Variants in SUMF1 observed in about 807,000 individuals in gnomAD.
SUMF1 encodes formylglycine-generating enzyme.
SUMF1 carries 48 observed loss-of-function variants against 47.6 expected under a neutral mutation model. That is an observed-to-expected ratio of 1.01 (90% CI 0.80 to 1.28). The LOEUF is 1.28. SUMF1 is among the 50% of genes most tolerant of loss of function. The pLI, the probability that SUMF1 is intolerant of heterozygous loss-of-function variation, is 0.00. For synonymous variants in SUMF1, 230 were observed against 192.1 expected (o/e 1.20, Z -1.63); for missense variants, 571 against 485.4 (o/e 1.18, Z -1.66).
intron 7 of SUMF1, among the ~76,000 whole-genome samples, chr3:4,380,655 C>G (rs1700475297): frequency 6.6e-6 from 1 of 152,126 alleles, no homozygotes; most frequent in Non-Finnish European, 1.5e-5. Context: ...AGGCAGGAAC[C>G]ATCGTGAATC....
At chr3:4,299,230 TCTC>T (rs1697916077) in intron 8 of SUMF1, among the ~76,000 whole-genome samples, 1 of 152,202 alleles carries the variant, frequency 6.6e-6, no homozygotes, top group South Asian at 2.1e-4. Flanking sequence ...TGGGATATAT[TCTC>T]CTTGCATTTG....
intron 1 of SUMF1, among the ~76,000 whole-genome samples, chr3:4,466,089 G>A (rs2079937088): frequency 6.6e-6 from 1 of 152,154 alleles, no homozygotes; most frequent in East Asian, 1.9e-4. Flanking sequence ...CGGGCAGACA[G>A]ATTGAAGTAA....
Position 4,456,686 on chromosome 3 carries a change from A to ATG in SUMF1, c.271-3639_271-3638dup, listed in dbSNP as rs1553588951. Among the ~76,000 whole-genome samples the ATG allele has an allele frequency of 2.4e-4, 33 of 135,022 alleles. 1 individual carries two copies. The highest frequency in any genetic ancestry group is 6.4e-4 in the East Asian group (3 of 4,670). 88.6% of individuals were successfully genotyped at this position (135,022 alleles called of 152,430 possible). On this transcript the variant is annotated intron_variant, in intron 1 of 8. Coordinates refer to ENST00000272902, the MANE Select transcript of SUMF1 (RefSeq NM_182760.4). ...TATATATATATACGTGTATATATAT[A>ATG]TGTGTGTATATATATATACGTATAT...
At chr3:4,097,738 C>T (rs1263482932) in intron 8 of SUMF1, among the ~76,000 whole-genome samples, 1 of 152,096 alleles carries the variant, frequency 6.6e-6, no homozygotes, top group Admixed American at 6.6e-5. Context: ...GCTTTCAAAA[C>T]CTCTGCAAAC....
chr3:4,227,097 C>T (rs1696191000), intron 8 of SUMF1, among the ~76,000 whole-genome samples: 1 of 152,140 alleles, frequency 6.6e-6, no homozygotes, highest in African/African-American at 2.4e-5. Context: ...TAGCCCTCAA[C>T]TCATGATTCT....
At chr3:4,460,439 T>C (rs963809924) in intron 1 of SUMF1, among the ~76,000 whole-genome samples, 1 of 151,932 alleles carries the variant, frequency 6.6e-6, no homozygotes, top group Non-Finnish European at 1.5e-5. Flanking sequence ...TATATAAACA[T>C]CAGAGCTCAT....
At chr3:4,038,656 G>T (rs1694848669) in intron 9 of SUMF1, among the ~76,000 whole-genome samples, 1 of 152,116 alleles carries the variant, frequency 6.6e-6, no homozygotes, top group Admixed American at 6.5e-5. Context: ...TCTCCATATG[G>T]TGATAGTGGC....
intron 8 of SUMF1, among the ~76,000 whole-genome samples, chr3:4,194,831 G>A (rs776996578): frequency 2.6e-5 from 4 of 152,030 alleles, no homozygotes; most frequent in Non-Finnish European, 4.4e-5. Flanking sequence ...ACAGAATTTC[G>A]AACAATGTTA....
At chr3:4,046,320 T>C (rs1217899816) in intron 9 of SUMF1, among the ~76,000 whole-genome samples, 1 of 152,122 alleles carries the variant, frequency 6.6e-6, no homozygotes, top group Non-Finnish European at 1.5e-5. Context: ...ATGGGAGAGA[T>C]GATCACCAAA....
At chr3:4,161,362 C>T (rs1038714598) in intron 8 of SUMF1, among the ~76,000 whole-genome samples, 1 of 152,158 alleles carries the variant, frequency 6.6e-6, no homozygotes, top group Non-Finnish European at 1.5e-5. Context: ...GGAAAGCCAG[C>T]AAGGCTTGTG....
intron 8 of SUMF1, among the ~76,000 whole-genome samples, chr3:4,136,358 C>A (rs1375316826): frequency 6.6e-6 from 1 of 152,092 alleles, no homozygotes; most frequent in East Asian, 1.9e-4. Flanking sequence ...CTGAGAAAAA[C>A]AAGCAATGGG....
rs917228158 is a variant in SUMF1, at chr3:4,185,570, C to T, written c.1015-116825G>A. Among the ~76,000 whole-genome samples, 3 of 152,138 alleles carry T rather than the reference C, an allele frequency of 2.0e-5. No homozygotes were observed. The South Asian group carries it at 6.2e-4, about 31-fold the overall frequency. ...TTCCTTTCTCTAAACTGGGATAGCACACTTCCAAAGTTAATACTAATGCGA... is the reference window on the plus strand; with the variant it reads ...TTCCTTTCTCTAAACTGGGATAGCATACTTCCAAAGTTAATACTAATGCGA... On this transcript the variant is annotated intron_variant and NMD_transcript_variant, in intron 8 of 12. Coordinates refer to the SUMF1 transcript ENST00000448413.
At chr3:4,379,991 A>G (rs1162553595) in intron 7 of SUMF1, among the ~76,000 whole-genome samples, 2 of 152,198 alleles carry the variant, frequency 1.3e-5, no homozygotes, top group African/African-American at 4.8e-5. Context: ...AGTGTCTCTC[A>G]TGATCAAGTT....
At chr3:4,358,564 C>T (rs1442779951), downstream of SUMF1, among the ~76,000 whole-genome samples, 1 of 152,108 alleles carries the variant, frequency 6.6e-6, no homozygotes, top group Non-Finnish European at 1.5e-5. Flanking sequence ...AGGCACAAAC[C>T]TTCTCATAAT....
intron 8 of SUMF1, among the ~76,000 whole-genome samples, chr3:4,236,030 C>T (rs1042728869): frequency 6.6e-6 from 1 of 151,962 alleles, no homozygotes; most frequent in Admixed American, 6.6e-5. Context: ...ATAACCTCTA[C>T]CTACCTGTCT....
intron 9 of SUMF1, among the ~76,000 whole-genome samples, chr3:4,040,779 C>A (rs1328379136): frequency 6.6e-6 from 1 of 152,120 alleles, no homozygotes; most frequent in Non-Finnish European, 1.5e-5. Context: ...TTGTGTATTA[C>A]TAGATGCAGA....
At chr3:4,173,310 C>T (rs1694874989) in intron 8 of SUMF1, among the ~76,000 whole-genome samples, 1 of 152,072 alleles carries the variant, frequency 6.6e-6, no homozygotes, top group African/African-American at 2.4e-5. Context: ...TAGAGAAATG[C>T]AAATCAAAAC....
chr3:4,119,117 C>G (rs1359231608), intron 8 of SUMF1, among the ~76,000 whole-genome samples: 1 of 152,120 alleles, frequency 6.6e-6, no homozygotes, highest in Non-Finnish European at 1.5e-5. Flanking sequence ...CCTGACCAAG[C>G]TAACAACCAT....
At chr3:4,416,541 G>T (rs778996417) in intron 6 of SUMF1, among the ~76,000 whole-genome samples, 1 of 152,238 alleles carries the variant, frequency 6.6e-6, no homozygotes, top group Non-Finnish European at 1.5e-5. Context: ...GGCAAATACG[G>T]TAGTTAAGAG....
Sources: gnomAD v4.1 joint callset for allele counts (sites outside exome capture counted in the v4.1 genomes callset) on GRCh38, gnomAD v4.1.1 for gene constraint, MANE v1.5 for transcripts, NCBI Gene and HGNC (gene_info 2026-07-23, HGNC 2026-07-21) for gene names.